CDH13: variants seen among roughly 807,000 people sequenced by gnomAD.
CDH13 encodes the protein cadherin-13.
Under a neutral mutation model 63.8 loss-of-function variants are expected in CDH13, and 24 were observed. The ratio of observed to expected loss-of-function variants is 0.38; its 90% CI spans 0.27 to 0.53. The LOEUF (loss-of-function observed/expected upper bound fraction) is 0.53, where lower values mean the gene tolerates loss of function less well. Among genes scored for constraint, CDH13 ranks in the 20% least tolerant of loss-of-function variants. The pLI, the probability that CDH13 is intolerant of heterozygous loss-of-function variation, is 0.85. For synonymous variants in CDH13, 503 were observed against 355.3 expected, an observed-to-expected ratio of 1.42 and a Z score of -4.67; for missense variants, 1,049 against 903.1, an observed-to-expected ratio of 1.16 and a Z score of -2.07.
chr16:83,471,318 A>C (rs1404529011), intron 6 of CDH13, among the ~76,000 whole-genome samples: 2 of 122,386 alleles, frequency 1.6e-5, no homozygotes, highest in Non-Finnish European at 3.2e-5. Context: ...TCTGTCACCC[A>C]GGCTGGAGTG....
chr16:82,871,285 G>C (rs1428026309), intron 2 of CDH13, among the ~76,000 whole-genome samples: 1 of 152,162 alleles, frequency 6.6e-6, no homozygotes, highest in Non-Finnish European at 1.5e-5. Context: ...CTGGCTTTCT[G>C]GAAGTTCAGA....
chr16:83,384,077 C>G (rs976848098), intron 6 of CDH13, among the ~76,000 whole-genome samples: 3 of 152,174 alleles, frequency 2.0e-5, no homozygotes, highest in Non-Finnish European at 4.4e-5. Context: ...TACTGTATCT[C>G]TCTGCATTGT....
chr16:83,460,936 C>G (rs1422187568), intron 6 of CDH13, among the ~76,000 whole-genome samples: 1 of 151,402 alleles, frequency 6.6e-6, no homozygotes, highest in Non-Finnish European at 1.5e-5. Context: ...GCTGTGATCA[C>G]TCCACTGCAC....
At chr16:83,586,770 G>A (rs887713332) in intron 7 of CDH13, among the ~76,000 whole-genome samples, 1 of 152,028 alleles carries the variant, frequency 6.6e-6, no homozygotes, top group African/African-American at 2.4e-5. Context: ...AAAATCACGG[G>A]GGGAGCCTTC....
intron 3 of CDH13, among the ~76,000 whole-genome samples, chr16:83,066,565 G>A (rs909285638): frequency 2.6e-5 from 4 of 152,218 alleles, no homozygotes; most frequent in Admixed American, 2.6e-4. Context: ...AATTTGCAAA[G>A]AGAAATGATG....
At chr16:82,954,749 T>TG (rs1326625154) in intron 2 of CDH13, 2 of 120,006 alleles carry the variant, frequency 1.7e-5, no homozygotes, top group East Asian at 7.8e-4. Flanking sequence ...TTAAATCTCC[T>TG]GGAAAAAAAA....
intron 2 of CDH13, among the ~76,000 whole-genome samples, chr16:82,997,375 G>C (rs1912364112): frequency 6.6e-6 from 1 of 152,120 alleles, no homozygotes; most frequent in African/African-American, 2.4e-5. Context: ...AGAGTGAGGT[G>C]AATGAGGTAC....
intron 10 of CDH13, among the ~76,000 whole-genome samples, chr16:83,746,669 C>T (rs1912614839): frequency 6.8e-6 from 1 of 146,988 alleles, no homozygotes; most frequent in Non-Finnish European, 1.5e-5. Flanking sequence ...TGCATCTTTA[C>T]CAGTGTAAAG....
intron 6 of CDH13, among the ~76,000 whole-genome samples, chr16:83,358,330 A>G (rs1202427377): frequency 6.6e-6 from 1 of 152,164 alleles, no homozygotes; most frequent in Non-Finnish European, 1.5e-5. Context: ...TGTCTGGAGT[A>G]GCGATATGAT....
intron 6 of CDH13, among the ~76,000 whole-genome samples, chr16:83,429,647 G>A (rs953774341): frequency 2.0e-5 from 3 of 152,192 alleles, no homozygotes; most frequent in African/African-American, 7.2e-5. Context: ...AGGGGAAGGT[G>A]ACCAGTTGTG....
At chr16:83,321,080 A>C (rs1230043241) in intron 5 of CDH13, among the ~76,000 whole-genome samples, 1 of 152,246 alleles carries the variant, frequency 6.6e-6, no homozygotes, top group Non-Finnish European at 1.5e-5. Context: ...TTGATGAAGT[A>C]TGGAATACAA....
chr16:83,173,549 A>G (rs1488577748), intron 4 of CDH13, among the ~76,000 whole-genome samples: 4 of 152,238 alleles, frequency 2.6e-5, no homozygotes, highest in Non-Finnish European at 4.4e-5. Context: ...ATAAACAATG[A>G]CTAGTGTTTT....
intron 4 of CDH13, among the ~76,000 whole-genome samples, chr16:83,180,215 T>G (rs1263553402): frequency 6.6e-6 from 1 of 152,172 alleles, no homozygotes; most frequent in Non-Finnish European, 1.5e-5. Context: ...TAGCCCTAAA[T>G]CAATCAACAT....
intron 2 of CDH13, among the ~76,000 whole-genome samples, chr16:82,874,878 G>A (rs2151194252): frequency 6.6e-6 from 1 of 152,242 alleles, no homozygotes; most frequent in Admixed American, 6.5e-5. Context: ...TAAGAATAGG[G>A]AGGACTGAAC....
At chr16:83,473,509 G>C (rs905608498) in intron 6 of CDH13, among the ~76,000 whole-genome samples, 2 of 152,256 alleles carry the variant, frequency 1.3e-5, no homozygotes, top group African/African-American at 4.8e-5. Context: ...TGGAACTTCA[G>C]CCAGGTCACT....
intron 6 of CDH13, among the ~76,000 whole-genome samples, chr16:83,399,531 C>G (rs1426980892): frequency 6.6e-6 from 1 of 152,118 alleles, no homozygotes; most frequent in Non-Finnish European, 1.5e-5. Flanking sequence ...TCAGTGTGAC[C>G]TTGACGATCT....
intron 13 of CDH13, among the ~76,000 whole-genome samples, chr16:83,793,162 C>T (rs1358294691): frequency 1.3e-5 from 2 of 152,286 alleles, no homozygotes; most frequent in Non-Finnish European, 2.9e-5. Flanking sequence ...AGGGCTTTGC[C>T]AACTATTACT....
Position 83,380,288 on chromosome 16 carries a change from C to G in CDH13, c.781+35282C>G, listed in dbSNP as rs533207146. ...TTGGCAATTCCAGATGGTGGGTGTGCTGATTTTCATACTATTGTTCTTTGT... is the reference window on the plus strand; with the variant it reads ...TTGGCAATTCCAGATGGTGGGTGTGGTGATTTTCATACTATTGTTCTTTGT... On this transcript the variant is annotated intron_variant, in intron 6 of 13. Transcript: ENST00000567109. 2.0e-5 allele frequency among the ~76,000 whole-genome samples: 3 copies of G among 152,178 alleles called. No individual in the cohort carries two copies. The East Asian group carries it at 5.8e-4, about 29-fold the overall frequency.
At chr16:82,939,310 C>G (rs752141867) in intron 2 of CDH13, among the ~76,000 whole-genome samples, 9 of 152,080 alleles carry the variant, frequency 5.9e-5, no homozygotes, top group Non-Finnish European at 1.2e-4. Flanking sequence ...GTAGTTCCAG[C>G]TACTCAATAG....
Sources: gnomAD v4.1 joint callset for allele counts (sites outside exome capture counted in the v4.1 genomes callset) on GRCh38, gnomAD v4.1.1 for gene constraint, MANE v1.5 for transcripts, NCBI Gene and HGNC (gene_info 2026-07-23, HGNC 2026-07-21) for gene names.